BCL6: variants seen among roughly 807,000 people sequenced by gnomAD.
BCL6 encodes B-cell lymphoma 6 protein.
In BCL6, 7 loss-of-function variants were observed where a neutral mutation model predicts 59.5. That is an observed-to-expected ratio of 0.12 (90% CI 0.07 to 0.22). The LOEUF is 0.22. BCL6 is among the 10% of genes least tolerant of loss of function. The probability of loss-of-function intolerance (pLI) is 1.00; values close to 1 mark genes in which losing one functional copy is unlikely to be tolerated. For missense variants in BCL6, 685 were observed against 939.4 expected, an observed-to-expected ratio of 0.73 and a Z score of 3.54; for synonymous variants, 339 against 349.7, an observed-to-expected ratio of 0.97 and a Z score of 0.34.
intron 9 of BCL6, 120 bp downstream of exon 9, chr3:187,724,821 T>C (rs1197264685): frequency 2.8e-6 from 4 of 1,422,880 alleles, no homozygotes; most frequent in African/African-American, 2.8e-5. Context: ...CACTGTGTGC[T>C]TGAGATGGGA....
chr3:187,735,134 G>A lies in BCL6; in HGVS notation c.-49-227C>T, dbSNP rs1280205643. ...AATGTTTTTATCCAGAGTACTGGGA[G>A]TACAATTGCATACATTAATTAGTTA... On this transcript the variant is annotated intron_variant, in intron 1 of 9. Transcript: ENST00000406870. Among the ~76,000 whole-genome samples, 3 of 152,284 alleles carry A rather than the reference G, an allele frequency of 2.0e-5. No individual in the cohort carries two copies. The East Asian group carries it at 5.8e-4, about 29-fold the overall frequency.
Position 187,725,458 on chromosome 3 carries a change from C to G in BCL6, c.1839+41G>C, listed in dbSNP as rs763299478. On this transcript the variant is annotated intron_variant, in intron 8 of 9. Coordinates refer to ENST00000406870, the MANE Select transcript of BCL6 (RefSeq NM_001706.5). The surrounding 1 kb of genome is among the most constrained non-coding windows in gnomAD (Gnocchi z 4.7). ...CACTCCTCCGCTCGCCTGCCCGCTC[C>G]GCTCGCCTGCCCGCTCCGCTCGCCT... The G allele has an allele frequency of 1.3e-6, 2 of 1,590,642 alleles. No homozygotes were observed. Among genetic ancestry groups the G allele is most frequent in the Non-Finnish European group, 1.7e-6 (2 of 1,167,978 alleles).
At position 187,729,002 on chromosome 3, in the gene BCL6, C is replaced by T. The variant is rs1259397638; in HGVS notation, c.1355+48G>A. ...AGAAAAGAAGAAACGACATGGAACCCTGCCCAGGTAACCCCTGACCTCAGA... is the reference window on the plus strand; with the variant it reads ...AGAAAAGAAGAAACGACATGGAACCTTGCCCAGGTAACCCCTGACCTCAGA... On this transcript the variant is annotated intron_variant, in intron 5 of 9. Transcript: ENST00000406870. The surrounding 1 kb of genome is among the most constrained non-coding windows in gnomAD (Gnocchi z 5.6). 1 of 1,507,854 alleles carries T rather than the reference C, an allele frequency of 6.6e-7. No homozygotes were observed. Among genetic ancestry groups the T allele is most frequent in the Admixed American group, 2.3e-5 (1 of 43,614 alleles). 93.4% of individuals were successfully genotyped at this position (1,507,854 alleles called of 1,614,324 possible).
At chr3:187,731,969 C>T (rs41268625) in intron 3 of BCL6, 39 bp from the exon 4 acceptor site, 30,450 of 1,548,844 alleles carry the variant, frequency 0.02, 410 homozygotes, top group Non-Finnish European at 0.023. Context: ...GTAGACATAT[C>T]GAATCTGTGA....
chr3:187,745,219 T>C (rs549330591), intron 1 of BCL6, among the ~76,000 whole-genome samples, 191 bp downstream of exon 1: 3 of 152,060 alleles, frequency 2.0e-5, no homozygotes, highest in East Asian at 1.9e-4. Context: ...CTAGAATAAA[T>C]AAATATATAC....
At chr3:187,745,117 CAACAATAATAATAATAAA>C in intron 1 of BCL6, among the ~76,000 whole-genome samples, 1 of 152,154 alleles carries the variant, frequency 6.6e-6, no homozygotes, top group East Asian at 1.9e-4. Flanking sequence ...CACTCAAAGA[CAACAATAATAATAATAAA>C]TACATAACAA....
chr3:187,744,892 A>C, intron 1 of BCL6, among the ~76,000 whole-genome samples: 1 of 152,090 alleles, frequency 6.6e-6, no homozygotes, highest in East Asian at 1.9e-4. Context: ...GCCGTACGCA[A>C]GCAGCAGCAG....
At chr3:187,744,724 C>T (rs1711812341) in intron 1 of BCL6, among the ~76,000 whole-genome samples, 5 of 151,960 alleles carry the variant, frequency 3.3e-5, no homozygotes, top group Middle Eastern at 3.4e-3. Context: ...TTTTTGCCTC[C>T]CGGAGTTACC....
intron 1 of BCL6, among the ~76,000 whole-genome samples, 183 bp downstream of exon 1, chr3:187,745,227 T>C (rs557349083): frequency 2.0e-5 from 3 of 152,128 alleles, no homozygotes; most frequent in African/African-American, 7.2e-5. Flanking sequence ...AATAAATATA[T>C]ACATTTATAT....
intron 1 of BCL6, 73 bp downstream of exon 1, chr3:187,745,337 C>T: frequency 2.5e-6 from 1 of 401,420 alleles, no homozygotes; most frequent in Non-Finnish European, 4.4e-6. Context: ...GCGGCGGCGG[C>T]AGCGGCACCA....
rs1426858162 is a variant in BCL6 at position 187,722,576 on chromosome 3, C to T, written c.2003G>A (p.Arg668His). 5 of 1,613,612 alleles carry T rather than the reference C, an allele frequency of 3.1e-6. No homozygotes were observed. Among genetic ancestry groups the T allele is most frequent in the African/African-American group, 1.3e-5 (1 of 74,892 alleles). The change falls in exon 10 of 10, where the codon CGT becomes CAT. Residue 668 changes from arginine to histidine, a missense_variant. By Grantham distance (29) the Arg-to-His change is conservative. Transcript: ENST00000406870. Reference protein sequence around the residue: ...YHCEKCNLHFRHKSQLRLHLR... With the variant: ...YHCEKCNLHFHHKSQLRLHLR... ...GTGAAGTCGCAGCTGGCTTTTGTGA[C>T]GGAAATGCAGGTTACACTTCTCACA...
intron 2 of BCL6, 140 bp from the exon 3 acceptor site, chr3:187,733,843 A>T: frequency 1.2e-6 from 1 of 807,850 alleles, no homozygotes; most frequent in Non-Finnish European, 2.0e-6. Context: ...AACAATTCAT[A>T]GTCCAACTCT....
intron 1 of BCL6, among the ~76,000 whole-genome samples, chr3:187,742,966 G>C (rs1246028569): frequency 6.6e-6 from 1 of 151,942 alleles, no homozygotes; most frequent in Non-Finnish European, 1.5e-5. Context: ...AAGGCTCTTG[G>C]TAGTAAATAG....
At position 187,729,261 on chromosome 3, in the gene BCL6, C is replaced by T. The variant is rs1218233420; in HGVS notation, c.1144G>A (p.Val382Met). The change falls in exon 5 of 10, where the codon GTG (valine) becomes ATG (methionine). Residue 382 changes from valine (V) to methionine (M), a missense_variant. By Grantham distance (21) the Val-to-Met change is conservative. This residue lies in a region of BCL6 where 28 missense variants were observed against 66.4 expected (regional missense o/e 0.42). Coordinates refer to ENST00000406870, the MANE Select transcript of BCL6 (RefSeq NM_001706.5). This position sits in a 1 kb window ranked among gnomAD's most constrained non-coding sequence, Gnocchi z 5.6. ...ACNWKKYKFI[V>M]LNSLNQNAKP... is the part of the protein sequence containing the mutation. ...GCATTCTGGTTGAGGCTGTTGAGCACGATGAACTTGTATTTCTTCCAGTTG... is the reference window on the plus strand; with the variant it reads ...GCATTCTGGTTGAGGCTGTTGAGCATGATGAACTTGTATTTCTTCCAGTTG... The T allele has an allele frequency of 1.2e-6, 2 of 1,613,988 alleles. No individual in the cohort carries two copies. Among genetic ancestry groups the T allele is most frequent in the Non-Finnish European group, 1.7e-6 (2 of 1,180,032 alleles).
intron 1 of BCL6, among the ~76,000 whole-genome samples, chr3:187,744,845 GA>G (rs1711830484): frequency 3.3e-5 from 5 of 152,074 alleles, no homozygotes; most frequent in South Asian, 2.1e-4. Flanking sequence ...AGAAAAGAGG[GA>G]AAAAACACAG....
intron 1 of BCL6, among the ~76,000 whole-genome samples, chr3:187,741,660 C>G (rs1711597720): frequency 6.6e-6 from 1 of 152,178 alleles, no homozygotes; most frequent in African/African-American, 2.4e-5. Context: ...CAGCGGCGGT[C>G]CCACTTGTTG....
In BCL6 at chr3:187,721,461, C is replaced by A. The variant is rs1718407425; in HGVS notation, c.*997G>T. ...TAATGCAGTTTAGACACAGCCAAAC[C>A]CTGTCTCCGGAGTAGTTATAACACA... On this transcript the variant is annotated 3_prime_UTR_variant, in exon 10 of 10. Transcript: ENST00000406870. This position sits in a 1 kb window ranked among gnomAD's most constrained non-coding sequence, Gnocchi z 4.2. 4.3e-6 allele frequency: 1 copy of A among 232,654 alleles called. No individual in the cohort carries two copies. The highest frequency in any genetic ancestry group is 8.5e-6 in the Non-Finnish European group (1 of 117,374). 14.4% of individuals were successfully genotyped at this position (232,654 alleles called of 1,614,324 possible).
rs2108471514 is a variant in BCL6 at position 187,733,544 on chromosome 3, G to A, written c.150C>T (p.Leu50=). 6.2e-7 allele frequency: 1 copy of A among 1,613,726 alleles called. No individual in the cohort carries two copies. Among genetic ancestry groups the A allele is most frequent in the Non-Finnish European group, 8.5e-7 (1 of 1,179,822 alleles). The change falls in exon 3 of 10, where the codon CTC becomes CTT. Residue 50 remains leucine (L), a synonymous_variant. Transcript: ENST00000406870. ...REQFRAHKTV[L]MACSGLFYSI... is the part of the protein sequence containing the mutation. ...TTCAGATCCCTCACCTGCAGGCCAT[G>A]AGGACCGTTTTATGGGCTCTAAACT...
At chr3:187,739,344 T>G (rs566510395) in intron 1 of BCL6, among the ~76,000 whole-genome samples, 1 of 152,342 alleles carries the variant, frequency 6.6e-6, no homozygotes, top group South Asian at 2.1e-4. Flanking sequence ...GCTGCACGGC[T>G]GCAGACACCA....
Sources: allele counts gnomAD v4.1 joint callset (sites outside exome capture counted in the v4.1 genomes callset), GRCh38; gene constraint gnomAD v4.1.1; regional missense constraint gnomAD v4.1.1; non-coding constraint Gnocchi (gnomAD v3.1); transcripts MANE v1.5; gene names NCBI Gene and HGNC (gene_info 2026-07-23, HGNC 2026-07-21).